EML5: variants seen among roughly 807,000 people sequenced by gnomAD.
The protein encoded by EML5 is echinoderm microtubule-associated protein-like 5.
In EML5, 120 loss-of-function variants were observed where a neutral mutation model predicts 250.0. That is an observed-to-expected ratio of 0.48 (90% CI 0.41 to 0.56). The LOEUF (loss-of-function observed/expected upper bound fraction) is 0.56, where lower values mean the gene tolerates loss of function less well. EML5 is among the 20% of genes least tolerant of loss of function. The pLI, the probability that EML5 is intolerant of heterozygous loss-of-function variation, is 0.00. For missense variants in EML5, 2,006 were observed against 2,437.6 expected, an observed-to-expected ratio of 0.82 and a Z score of 3.73; for synonymous variants, 771 against 806.5, an observed-to-expected ratio of 0.96 and a Z score of 0.75.
intron 1 of EML5, among the ~76,000 whole-genome samples, chr14:88,783,364 G>T (rs181722142): frequency 3.3e-5 from 5 of 152,302 alleles, no homozygotes; most frequent in African/African-American, 9.6e-5. Context: ...TAGGTGAATG[G>T]ATGAACAGAT....
Position 88,658,260 on chromosome 14 carries a change from A to T in EML5, c.3804T>A (p.Asn1268Lys). Reference sequence around the variant, plus strand: ...TTTTTTCTCGATAGCCTTCCATCTCATTTGTCCACACCATTAAAGACATAT... The same window carrying T: ...TTTTTTCTCGATAGCCTTCCATCTCTTTTGTCCACACCATTAAAGACATAT... ...GTDMSLMVWT[N>K]EMEGYREKRP... The change falls in exon 26 of 44, where the codon AAT (asparagine) becomes AAA (lysine). Residue 1268 changes from asparagine (N) to lysine (K), a missense_variant. Coordinates refer to ENST00000554922, the MANE Select transcript of EML5 (RefSeq NM_183387.3). The T allele has an allele frequency of 6.2e-7, 1 of 1,613,730 alleles. No homozygotes were observed. The highest frequency in any genetic ancestry group is 1.1e-5 in the South Asian group (1 of 91,074).
chr14:88,744,068 C>T lies in EML5; in HGVS notation c.480G>A (p.Leu160=). The T allele has an allele frequency of 1.3e-6, 2 of 1,572,358 alleles. No individual in the cohort carries two copies. The highest frequency in any genetic ancestry group is 1.7e-6 in the Non-Finnish European group (2 of 1,155,706). The change falls in exon 4 of 44, where the codon TTG becomes TTA. Residue 160 remains leucine (L), a synonymous_variant. Transcript: ENST00000554922. ...AGCTGACAAGTTTATTTGGCTGGTA[C>T]AAATCCCAAGAAATATCAAATATCT... is the stretch of plus-strand genomic sequence containing the variant. ...TDRIFDISWD[L]YQPNKLVSCG... is the part of the protein sequence containing the mutation.
chr14:88,646,718 A>G (rs2140724315), intron 29 of EML5, among the ~76,000 whole-genome samples: 1 of 152,286 alleles, frequency 6.6e-6, no homozygotes, highest in Non-Finnish European at 1.5e-5. Context: ...CAACTTATAA[A>G]ATTATACAAG....
At chr14:88,770,451 A>C (rs1452787815) in intron 1 of EML5, among the ~76,000 whole-genome samples, 1 of 152,078 alleles carries the variant, frequency 6.6e-6, no homozygotes, top group African/African-American at 2.4e-5. Context: ...TGTTTTTCAC[A>C]TCATTTGTTG....
intron 13 of EML5, among the ~76,000 whole-genome samples, chr14:88,704,607 T>C (rs1196850137): frequency 6.6e-6 from 1 of 152,210 alleles, no homozygotes; most frequent in Non-Finnish European, 1.5e-5. Flanking sequence ...AAGTCAAATA[T>C]GCCCAGTTGT....
chr14:88,616,998 A>C, intron 41 of EML5, 119 bp from the exon 42 acceptor site: 1 of 895,724 alleles, frequency 1.1e-6, no homozygotes, highest in South Asian at 2.3e-5. Context: ...AAATACAGGA[A>C]GTAAATTATG....
intron 21 of EML5, among the ~76,000 whole-genome samples, chr14:88,667,605 G>C (rs1233654358): frequency 6.6e-6 from 1 of 152,124 alleles, no homozygotes; most frequent in Non-Finnish European, 1.5e-5. Context: ...CTGCCACTTT[G>C]GGCCTCACAG....
intron 7 of EML5, among the ~76,000 whole-genome samples, chr14:88,735,082 G>GA (rs962941508): frequency 3.3e-5 from 5 of 151,716 alleles, no homozygotes; most frequent in East Asian, 1.9e-4. Context: ...TGAAATCAGG[G>GA]AAAAAAAAGA....
intron 8 of EML5, among the ~76,000 whole-genome samples, chr14:88,722,917 T>TA (rs533503687): frequency 1.2e-4 from 18 of 151,628 alleles, no homozygotes; most frequent in South Asian, 8.3e-4. Flanking sequence ...AAAATTAAAA[T>TA]AAAAAAAATG....
chr14:88,751,468 G>A (rs1172107371), intron 2 of EML5, among the ~76,000 whole-genome samples: 1 of 152,094 alleles, frequency 6.6e-6, no homozygotes, highest in Middle Eastern at 3.2e-3. Flanking sequence ...AGCGGCAAGA[G>A]ACAAGGCTGG....
At chr14:88,779,302 A>G (rs555761074) in intron 1 of EML5, among the ~76,000 whole-genome samples, 1 of 152,318 alleles carries the variant, frequency 6.6e-6, no homozygotes, top group African/African-American at 2.4e-5. Flanking sequence ...ATCATATCAG[A>G]AGTTTAAATA....
At chr14:88,726,744 T>C (rs2093672159) in intron 7 of EML5, 66 bp from the exon 8 acceptor site, 4 of 1,222,776 alleles carry the variant, frequency 3.3e-6, no homozygotes, top group Non-Finnish European at 4.4e-6. Context: ...AATATTTTGG[T>C]TAAAATAATC....
chr14:88,691,098 T>G (rs934031003), intron 17 of EML5, among the ~76,000 whole-genome samples: 1 of 152,158 alleles, frequency 6.6e-6, no homozygotes, highest in African/African-American at 2.4e-5. Flanking sequence ...AACTGCTGGG[T>G]ATCTGGCAGT....
intron 9 of EML5, 39 bp from the exon 10 acceptor site, chr14:88,712,522 C>G: frequency 6.5e-7 from 1 of 1,533,372 alleles, no homozygotes; most frequent in Non-Finnish European, 8.9e-7. Flanking sequence ...AAAGTTATTT[C>G]ATTTGATTTT....
In EML5 at chr14:88,622,585, A is replaced by T; in HGVS notation, c.5013+19T>A. The T allele has an allele frequency of 6.4e-7, 1 of 1,565,732 alleles. No homozygotes were observed. Among genetic ancestry groups the T allele is most frequent in the Non-Finnish European group, 8.7e-7 (1 of 1,153,296 alleles). ...TTTCTGTTTTCTGCTGCACTGTATC[A>T]GCTCATGGAACATCTTACTTTGCCT... is the stretch of plus-strand genomic sequence containing the variant. On this transcript the variant is annotated intron_variant, in intron 37 of 43. Transcript: ENST00000554922.
chr14:88,642,499 C>A lies in EML5; in HGVS notation c.4237+394G>T, dbSNP rs2091117404. Among the ~76,000 whole-genome samples, 4 of 152,142 alleles carry A rather than the reference C, an allele frequency of 2.6e-5. No individual in the cohort carries two copies. The South Asian group carries it at 8.3e-4, about 32-fold the overall frequency. The stretch of plus-strand genomic sequence containing the variant: ...TAAGAACACTTCCAGCCCCAGCAAT[C>A]ACTCACCCAACATGCTACATTCAAT... On this transcript the variant is annotated intron_variant, in intron 31 of 43. Coordinates refer to ENST00000554922, the MANE Select transcript of EML5 (RefSeq NM_183387.3).
chr14:88,792,691 C>T lies in EML5; in HGVS notation c.-188G>A. On this transcript the variant is annotated 5_prime_UTR_variant, in exon 1 of 44. Transcript: ENST00000554922. The surrounding 1 kb of genome is among the most constrained non-coding windows in gnomAD (Gnocchi z 6.9). ...CCTCAGCCCACAGGCGGGAGGAAAACCCTCGCCTCGCGGAACATGCTGAGG... is the reference window on the plus strand; with the variant it reads ...CCTCAGCCCACAGGCGGGAGGAAAATCCTCGCCTCGCGGAACATGCTGAGG... The T allele has an allele frequency of 8.9e-7, 1 of 1,128,020 alleles. No individual in the cohort carries two copies. The allele number at this position is 1,128,020 out of a possible 1,614,324, so 69.9% of individuals were successfully genotyped here. A position where few individuals can be genotyped will look rare whatever the true frequency, so the allele number is the denominator to read the frequency against.
At chr14:88,702,187 A>C (rs1397109680) in intron 14 of EML5, among the ~76,000 whole-genome samples, 1 of 152,282 alleles carries the variant, frequency 6.6e-6, no homozygotes, top group Non-Finnish European at 1.5e-5. Flanking sequence ...TAAAAAATTA[A>C]TATCATGACA....
intron 15 of EML5, 92 bp from the exon 16 acceptor site, chr14:88,695,546 T>A: frequency 3.5e-6 from 4 of 1,134,032 alleles, no homozygotes; most frequent in Non-Finnish European, 5.0e-6. Flanking sequence ...ATCCTATATT[T>A]AAAATTTGAT....
Sources: gnomAD v4.1 joint callset for allele counts (sites outside exome capture counted in the v4.1 genomes callset) on GRCh38, gnomAD v4.1.1 for gene constraint, Gnocchi (gnomAD v3.1) non-coding constraint, MANE v1.5 for transcripts, NCBI Gene and HGNC (gene_info 2026-07-23, HGNC 2026-07-21) for gene names.